PHF21A: variants seen among roughly 807,000 people sequenced by gnomAD.
PHF21A encodes PHD finger protein 21A.
Under a neutral mutation model 82.5 loss-of-function variants are expected in PHF21A, and 11 were observed. The observed-to-expected ratio is 0.13, with a 90% CI of 0.08 to 0.22. The LOEUF is 0.22. PHF21A is among the 10% of genes least tolerant of loss of function. PHF21A has a pLI of 1.00. For synonymous variants in PHF21A, 297 were observed against 302.8 expected, an observed-to-expected ratio of 0.98 and a Z score of 0.20; for missense variants, 579 against 837.8, an observed-to-expected ratio of 0.69 and a Z score of 3.81.
intron 4 of PHF21A, among the ~76,000 whole-genome samples, chr11:46,079,724 G>A (rs761882381): frequency 2.0e-5 from 3 of 152,124 alleles, no homozygotes; most frequent in African/African-American, 4.8e-5. Context: ...ACAAGGAAGT[G>A]CAGGAACAAT....
In PHF21A at chr11:45,931,194, A is replaced by G. The variant is rs1171281159; in HGVS notation, c.*2774T>C. The G allele has an allele frequency of 1.3e-5, 2 of 152,304 alleles. No homozygotes were observed. Among genetic ancestry groups the G allele is most frequent in the African/African-American group, 4.8e-5 (2 of 41,466 alleles). 9.4% of individuals were successfully genotyped at this position (152,304 alleles called of 1,614,324 possible). On this transcript the variant is annotated 3_prime_UTR_variant, in exon 19 of 19. Coordinates refer to ENST00000676320, the MANE Select transcript of PHF21A (RefSeq NM_001352027.3). Reference sequence around the variant, plus strand: ...ATTCCTAGCCCCGTCCTCCGACCCAAGACTCCTAAGGCAGCTCCTCTCTGA... The same window carrying G: ...ATTCCTAGCCCCGTCCTCCGACCCAGGACTCCTAAGGCAGCTCCTCTCTGA...
At chr11:46,086,085 T>C (rs569547267) in intron 3 of PHF21A, among the ~76,000 whole-genome samples, 3 of 152,166 alleles carry the variant, frequency 2.0e-5, no homozygotes, top group East Asian at 1.9e-4. Flanking sequence ...AAGGGAGACA[T>C]ACTATGGTGA....
At chr11:46,080,878 G>C (rs2096783478) in intron 4 of PHF21A, among the ~76,000 whole-genome samples, 1 of 151,488 alleles carries the variant, frequency 6.6e-6, no homozygotes, top group African/African-American at 2.4e-5. Flanking sequence ...TATCCAGGCT[G>C]ATCTCAAAAT....
intron 6 of PHF21A, among the ~76,000 whole-genome samples, chr11:45,989,348 T>C (rs1358862351): frequency 6.6e-6 from 1 of 151,862 alleles, no homozygotes; most frequent in East Asian, 1.9e-4. Flanking sequence ...ATAAAACAAA[T>C]TTGGTTAAAA....
intron 6 of PHF21A, among the ~76,000 whole-genome samples, chr11:46,014,685 AAT>A (rs1352374293): frequency 2.7e-5 from 4 of 147,962 alleles, no homozygotes; most frequent in Non-Finnish European, 5.9e-5. Flanking sequence ...ACTTTTTAAT[AAT>A]AGTTATTCTG....
At chr11:45,980,343 C>T (rs1000636786) in intron 6 of PHF21A, among the ~76,000 whole-genome samples, 7 of 152,158 alleles carry the variant, frequency 4.6e-5, no homozygotes, top group African/African-American at 2.4e-5. Flanking sequence ...TTGCTACTCA[C>T]AGCTCTAAGA....
chr11:46,096,646 T>G (rs2097000343), intron 1 of PHF21A, among the ~76,000 whole-genome samples: 1 of 152,164 alleles, frequency 6.6e-6, no homozygotes, highest in African/African-American at 2.4e-5. Flanking sequence ...TTTCTTTTGC[T>G]GGTTCCTCCT....
At chr11:46,044,683 G>A (rs2096227089) in intron 6 of PHF21A, among the ~76,000 whole-genome samples, 2 of 151,950 alleles carry the variant, frequency 1.3e-5, no homozygotes, top group Non-Finnish European at 2.9e-5. Context: ...AAGCAAACAG[G>A]CCACAATTTC....
At position 45,935,105 on chromosome 11, in the gene PHF21A, G is replaced by C. The variant is rs966814608; in HGVS notation, c.1788+531C>G. 8.5e-6 allele frequency: 11 copies of C among 1,288,574 alleles called. No individual in the cohort carries two copies. In the African/African-American group the frequency reaches 1.2e-4, roughly 14 times the overall value. 79.8% of individuals were successfully genotyped at this position (1,288,574 alleles called of 1,614,324 possible). ...CCTCTTTCCCACTTGGACAGGCCGG[G>C]CTGGGCAGTACTTACTTCCAATACT... On this transcript the variant is annotated intron_variant, in intron 18 of 18. Transcript: ENST00000676320.
At position 45,971,276 on chromosome 11, in the gene PHF21A, C is replaced by T; in HGVS notation, c.452G>A (p.Gly151Asp). The T allele has an allele frequency of 4.3e-6, 7 of 1,614,100 alleles. No individual in the cohort carries two copies. The highest frequency in any genetic ancestry group is 5.9e-6 in the Non-Finnish European group (7 of 1,180,016). Reference sequence around the variant, plus strand: ...CACCATAGCAATGGTAGGTCTCTGGCCCACCACAGAGGCAGGCATGGTCGC... The same window carrying T: ...CACCATAGCAATGGTAGGTCTCTGGTCCACCACAGAGGCAGGCATGGTCGC... The part of the protein sequence containing the change: ...ATATMPASVV[G>D]QRPTIAMVTA... Residue 151 changes from glycine (G) to aspartate (D), a missense_variant, in exon 8 of 19, where the codon GGC becomes GAC. By Grantham distance (94) the Gly-to-Asp change is moderately conservative. Coordinates refer to ENST00000676320, the MANE Select transcript of PHF21A (RefSeq NM_001352027.3).
chr11:46,051,742 A>G (rs1461794859), intron 6 of PHF21A, among the ~76,000 whole-genome samples: 1 of 152,184 alleles, frequency 6.6e-6, no homozygotes, highest in Non-Finnish European at 1.5e-5. Flanking sequence ...ACGAAGGAAG[A>G]TATTAGAGGA....
chr11:46,104,081 C>T (rs2097127767), intron 1 of PHF21A, among the ~76,000 whole-genome samples: 1 of 152,110 alleles, frequency 6.6e-6, no homozygotes, highest in African/African-American at 2.4e-5. Context: ...CATAAGAAAA[C>T]ATCAGGCACC....
chr11:46,116,659 A>T (rs2097293371), intron 1 of PHF21A: 1 of 152,114 alleles, frequency 6.6e-6, no homozygotes, highest in Non-Finnish European at 1.5e-5. Flanking sequence ...TAACCACAGC[A>T]GTATTTAAAA....
chr11:45,947,300 C>T (rs1360404118), intron 14 of PHF21A, among the ~76,000 whole-genome samples: 1 of 151,982 alleles, frequency 6.6e-6, no homozygotes, highest in African/African-American at 2.4e-5. Flanking sequence ...AAAGTATATG[C>T]CCAACACACC....
intron 6 of PHF21A, among the ~76,000 whole-genome samples, chr11:45,989,990 T>G (rs1325912994): frequency 6.6e-6 from 1 of 151,914 alleles, no homozygotes; most frequent in Non-Finnish European, 1.5e-5. Flanking sequence ...AGACCCTGAC[T>G]CAAAAAATAA....
chr11:45,985,478 C>T (rs1173957648), intron 6 of PHF21A, among the ~76,000 whole-genome samples: 1 of 152,180 alleles, frequency 6.6e-6, no homozygotes, highest in Non-Finnish European at 1.5e-5. Context: ...TAAACTCCCT[C>T]CTTAATGCAA....
chr11:45,986,083 A>AC, intron 6 of PHF21A, among the ~76,000 whole-genome samples: 1 of 142,578 alleles, frequency 7.0e-6, no homozygotes, highest in Admixed American at 7.3e-5. Flanking sequence ...TCTTCCTTCA[A>AC]AACACACACA....
intron 6 of PHF21A, among the ~76,000 whole-genome samples, chr11:46,062,829 A>T (rs556361914): frequency 5.9e-5 from 9 of 152,152 alleles, no homozygotes; most frequent in South Asian, 2.1e-4. Flanking sequence ...TACTGAAGAG[A>T]AATGAAAGCA....
At chr11:45,934,879 A>C in intron 18 of PHF21A, 1 of 360,438 alleles carries the variant, frequency 2.8e-6, no homozygotes, top group Non-Finnish European at 5.5e-6. Context: ...AAGAGGTGTT[A>C]AATCTGCATG....
Sources: allele counts gnomAD v4.1 joint callset (sites outside exome capture counted in the v4.1 genomes callset), GRCh38; gene constraint gnomAD v4.1.1; transcripts MANE v1.5; gene names NCBI Gene and HGNC (gene_info 2026-07-23, HGNC 2026-07-21).